The following RUNDC3B variants were observed in gnomAD, a reference collection of about 807,000 sequenced individuals.
RUNDC3B encodes the protein RUN domain-containing protein 3B.
Under a neutral mutation model 58.4 loss-of-function variants are expected in RUNDC3B, and 33 were observed. The ratio of observed to expected loss-of-function variants is 0.56; its 90% CI spans 0.43 to 0.75. The LOEUF (loss-of-function observed/expected upper bound fraction) is 0.75. Among genes scored for constraint, RUNDC3B ranks in the 30% least tolerant of loss-of-function variants. The pLI, the probability that RUNDC3B is intolerant of heterozygous loss-of-function variation, is 0.00. For missense variants in RUNDC3B, 501 were observed against 535.7 expected, an observed-to-expected ratio of 0.94 and a Z score of 0.64; for synonymous variants, 193 against 195.2, an observed-to-expected ratio of 0.99 and a Z score of 0.10.
intron 6 of RUNDC3B, among the ~76,000 whole-genome samples, chr7:87,764,285 C>T (rs947277365): frequency 6.6e-6 from 1 of 151,844 alleles, no homozygotes; most frequent in African/African-American, 2.4e-5. Context: ...GACAGTTATA[C>T]TGGGTCTAGT....
At chr7:87,770,539 G>GAAC in intron 6 of RUNDC3B, 42 bp from the exon 7 acceptor site, 1 of 1,499,506 alleles carries the variant, frequency 6.7e-7, no homozygotes, top group Non-Finnish European at 9.1e-7. Context: ...AATCAAGTTG[G>GAAC]AACATATTTT....
chr7:87,740,123 A>T (rs919490177), intron 5 of RUNDC3B, among the ~76,000 whole-genome samples: 2 of 152,192 alleles, frequency 1.3e-5, no homozygotes. Flanking sequence ...GAAAACTTAG[A>T]CTATATCCCA....
At chr7:87,648,073 T>G (rs1823201912) in intron 1 of RUNDC3B, among the ~76,000 whole-genome samples, 1 of 150,704 alleles carries the variant, frequency 6.6e-6, no homozygotes, top group Admixed American at 6.6e-5. Context: ...TAGTCCCAGC[T>G]ACTCAGGAGG....
At chr7:87,694,044 G>C (rs1828267122) in intron 2 of RUNDC3B, 1 of 1,570,966 alleles carries the variant, frequency 6.4e-7, no homozygotes, top group African/African-American at 1.4e-5. Flanking sequence ...TCAGTTAAGT[G>C]ATCTTTTTTA....
At chr7:87,771,023 A>T (rs1834248377) in intron 7 of RUNDC3B, among the ~76,000 whole-genome samples, 1 of 152,188 alleles carries the variant, frequency 6.6e-6, no homozygotes. Flanking sequence ...TTCTATGATA[A>T]ATTTTATAAA....
At chr7:87,731,535 A>G (rs577331029) in intron 4 of RUNDC3B, among the ~76,000 whole-genome samples, 2 of 152,350 alleles carry the variant, frequency 1.3e-5, no homozygotes, top group East Asian at 1.9e-4. Flanking sequence ...TATTTCAGCT[A>G]TAAAGACATA....
chr7:87,693,982 C>T (rs1281658516), intron 2 of RUNDC3B: 1 of 1,611,144 alleles, frequency 6.2e-7, no homozygotes, highest in Non-Finnish European at 8.5e-7. Context: ...GTGATGTCTC[C>T]CGCCACTGAG....
intron 6 of RUNDC3B, among the ~76,000 whole-genome samples, chr7:87,766,452 C>G (rs1373628108): frequency 6.6e-6 from 1 of 152,004 alleles, no homozygotes; most frequent in Non-Finnish European, 1.5e-5. Flanking sequence ...GATTAATTCC[C>G]TTAGTGCTTG....
At chr7:87,703,744 A>G (rs1164079013) in intron 3 of RUNDC3B, among the ~76,000 whole-genome samples, 1 of 151,702 alleles carries the variant, frequency 6.6e-6, no homozygotes, top group Admixed American at 6.6e-5. Flanking sequence ...TTTTGTCCCA[A>G]CTATTGTCCT....
chr7:87,805,121 C>G (rs1236579139), intron 8 of RUNDC3B, among the ~76,000 whole-genome samples: 1 of 152,150 alleles, frequency 6.6e-6, no homozygotes, highest in Admixed American at 6.6e-5. Flanking sequence ...GGGCTGGAAG[C>G]AGGAACTGCA....
intron 4 of RUNDC3B, among the ~76,000 whole-genome samples, chr7:87,736,879 A>ACC: frequency 2.8e-5 from 1 of 35,766 alleles, no homozygotes. Context: ...ATATATATAT[A>ACC]TATATATATA....
chr7:87,732,581 T>A (rs1267207854), intron 4 of RUNDC3B, among the ~76,000 whole-genome samples: 1 of 152,118 alleles, frequency 6.6e-6, no homozygotes, highest in Non-Finnish European at 1.5e-5. Flanking sequence ...TCTCTGTTGT[T>A]AGGCAGATCA....
At chr7:87,679,485 G>T (rs1826712728) in intron 2 of RUNDC3B, among the ~76,000 whole-genome samples, 1 of 149,970 alleles carries the variant, frequency 6.7e-6, no homozygotes, top group South Asian at 2.1e-4. Flanking sequence ...ACATCCCCAA[G>T]CTCAAATGAT....
chr7:87,793,879 GA>G (rs1435126397), intron 8 of RUNDC3B, among the ~76,000 whole-genome samples: 2 of 152,068 alleles, frequency 1.3e-5, no homozygotes, highest in Admixed American at 6.5e-5. Context: ...AAGTTGGAAA[GA>G]AAAAGGTCCA....
intron 3 of RUNDC3B, among the ~76,000 whole-genome samples, chr7:87,706,676 G>A (rs1296097587): frequency 1.3e-5 from 2 of 152,166 alleles, no homozygotes; most frequent in Non-Finnish European, 2.9e-5. Context: ...CACATCCTAG[G>A]TATAGAGACT....
intron 2 of RUNDC3B, among the ~76,000 whole-genome samples, chr7:87,666,531 G>C (rs1005076366): frequency 6.6e-6 from 1 of 152,064 alleles, no homozygotes; most frequent in African/African-American, 2.4e-5. Context: ...TGTTGCAATT[G>C]CTTTTGGTTT....
chr7:87,638,345 T>TTGTGTGTGTGTGTG lies in RUNDC3B; in HGVS notation c.122+9422_122+9435dup, dbSNP rs71524692. On this transcript the variant is annotated intron_variant, in intron 1 of 10. Transcript: ENST00000394654. ...ATAAAACAAGTTAGGAAGTATGTGTTTGTGTGTGTGTGTGTGTGTGTGTGT... is the reference window on the plus strand; with the variant it reads ...ATAAAACAAGTTAGGAAGTATGTGTTTGTGTGTGTGTGTGTGTGTGTGTGTGTGTGTGTGTGTGT... Among the ~76,000 whole-genome samples the TTGTGTGTGTGTGTG allele has an allele frequency of 9.8e-3, 1,414 of 144,766 alleles. 24 individuals carry two copies. The highest frequency in any genetic ancestry group is 0.029 in the African/African-American group (1,121 of 39,242). 95.0% of individuals were successfully genotyped at this position (144,766 alleles called of 152,430 possible).
intron 2 of RUNDC3B, among the ~76,000 whole-genome samples, chr7:87,672,837 C>T (rs1825969615): frequency 6.6e-6 from 1 of 152,148 alleles, no homozygotes; most frequent in Non-Finnish European, 1.5e-5. Flanking sequence ...CCTGGGTGGG[C>T]TGTTGTCCTG....
At chr7:87,653,229 G>A (rs550252670) in intron 2 of RUNDC3B, among the ~76,000 whole-genome samples, 13 of 152,056 alleles carry the variant, frequency 8.5e-5, no homozygotes, top group African/African-American at 4.8e-5. Context: ...AGTAATTTTT[G>A]AACTTTTATT....
Sources: gnomAD v4.1 joint callset for allele counts (sites outside exome capture counted in the v4.1 genomes callset) on GRCh38, gnomAD v4.1.1 for gene constraint, MANE v1.5 for transcripts, NCBI Gene and HGNC (gene_info 2026-07-23, HGNC 2026-07-21) for gene names.